Variants in LEPROTL1 observed in about 807,000 individuals in gnomAD.
The protein encoded by LEPROTL1 is leptin receptor overlapping transcript-like 1.
Under a neutral mutation model 15.4 loss-of-function variants are expected in LEPROTL1, and 6 were observed. That is an observed-to-expected ratio of 0.39 (90% CI 0.21 to 0.77). The LOEUF (loss-of-function observed/expected upper bound fraction) is 0.77. Ranked by LOEUF, LEPROTL1 falls within the 30% of genes least tolerant of loss-of-function variation. The probability of loss-of-function intolerance (pLI) is 0.41; values close to 1 mark genes in which losing one functional copy is unlikely to be tolerated. For synonymous variants in LEPROTL1, 56 were observed against 52.6 expected, an observed-to-expected ratio of 1.06 and a Z score of -0.28; for missense variants, 128 against 158.1, an observed-to-expected ratio of 0.81 and a Z score of 1.02.
At chr8:30,134,990 C>T (rs1284088735) in intron 4 of LEPROTL1, among the ~76,000 whole-genome samples, 1 of 152,156 alleles carries the variant, frequency 6.6e-6, no homozygotes, top group East Asian at 1.9e-4. Context: ...AGTGATCCTC[C>T]CACCTCTCCC....
At chr8:30,127,063 A>G (rs1470099399) in intron 3 of LEPROTL1, among the ~76,000 whole-genome samples, 1 of 152,140 alleles carries the variant, frequency 6.6e-6, no homozygotes. Context: ...AAAATACAAA[A>G]TAATATGCTG....
At chr8:30,101,751 A>G (rs183984824) in intron 1 of LEPROTL1, 147 bp from the exon 2 acceptor site, 28 of 511,248 alleles carry the variant, frequency 5.5e-5, no homozygotes, top group Admixed American at 2.8e-4. Context: ...TTCTAAGACT[A>G]GATAACTTAC....
chr8:30,134,523 T>C (rs1176635780), intron 4 of LEPROTL1, among the ~76,000 whole-genome samples: 1 of 152,208 alleles, frequency 6.6e-6, no homozygotes, highest in Non-Finnish European at 1.5e-5. Context: ...AATGCCCAAT[T>C]CCTAAATAAG....
Position 30,104,385 on chromosome 8 carries a change from G to A in LEPROTL1, c.178G>A (p.Asp60Asn). ...CIARRLVDDTDAMSNACKELA... is the reference protein window; with the variant it reads ...CIARRLVDDTNAMSNACKELA... ...AGCAAGAAGATTAGTGGATGATACAGATGCTATGAGTAACGCTTGTAAGGA... is the reference window on the plus strand; with the variant it reads ...AGCAAGAAGATTAGTGGATGATACAAATGCTATGAGTAACGCTTGTAAGGA... Residue 60 changes from aspartate (D) to asparagine (N), a missense_variant, in exon 3 of 4, where the codon GAT becomes AAT. By Grantham distance (23) the Asp-to-Asn change is conservative (BLOSUM62 1). Coordinates refer to ENST00000321250, the MANE Select transcript of LEPROTL1 (RefSeq NM_015344.3). 1 of 1,612,254 alleles carries A rather than the reference G, an allele frequency of 6.2e-7. No individual in the cohort carries two copies. Among genetic ancestry groups the A allele is most frequent in the East Asian group, 2.2e-5 (1 of 44,834 alleles).
chr8:30,102,188 A>G (rs1019638491), intron 2 of LEPROTL1, among the ~76,000 whole-genome samples: 3 of 152,156 alleles, frequency 2.0e-5, no homozygotes, highest in Admixed American at 6.5e-5. Context: ...CTGCTCTTTC[A>G]CTACTGCTGA....
chr8:30,096,842 A>C (rs1802374835), intron 1 of LEPROTL1, among the ~76,000 whole-genome samples: 1 of 152,154 alleles, frequency 6.6e-6, no homozygotes, highest in Admixed American at 6.5e-5. Flanking sequence ...GGTTGTTATG[A>C]GTCAGTATGT....
At chr8:30,102,196 T>C (rs903349036) in intron 2 of LEPROTL1, among the ~76,000 whole-genome samples, 1 of 152,226 alleles carries the variant, frequency 6.6e-6, no homozygotes, top group African/African-American at 2.4e-5. Flanking sequence ...TCACTACTGC[T>C]GAGTCTGCAG....
At chr8:30,104,222 A>AT (rs1563213870) in intron 2 of LEPROTL1, 78 bp from the exon 3 acceptor site, 2 of 876,204 alleles carry the variant, frequency 2.3e-6, no homozygotes. Flanking sequence ...TTGAATCTTG[A>AT]TTTTTTAAAA....
intron 4 of LEPROTL1, among the ~76,000 whole-genome samples, chr8:30,134,084 T>C (rs1437528212): frequency 6.6e-6 from 1 of 152,192 alleles, no homozygotes; most frequent in East Asian, 1.9e-4. Context: ...TCAAAGATAA[T>C]GATTTCAAAA....
chr8:30,095,656 C>T, intron 1 of LEPROTL1, 128 bp downstream of exon 1: 3 of 780,626 alleles, frequency 3.8e-6, no homozygotes, highest in Non-Finnish European at 3.7e-6. Flanking sequence ...GCCGGGGAAG[C>T]GACCCCCGCC....
At chr8:30,104,245 G>C in intron 2 of LEPROTL1, 55 bp from the exon 3 acceptor site, 1 of 1,061,976 alleles carries the variant, frequency 9.4e-7, no homozygotes, top group South Asian at 2.1e-5. Context: ...ACCATATTTT[G>C]TGTGTAGGAA....
intron 4 of LEPROTL1, among the ~76,000 whole-genome samples, chr8:30,134,220 C>T (rs560143910): frequency 3.3e-5 from 5 of 152,136 alleles, no homozygotes; most frequent in African/African-American, 4.8e-5. Context: ...GTCAAGAGAT[C>T]GAGACCATCC....
At chr8:30,095,615 C>G in intron 1 of LEPROTL1, 87 bp downstream of exon 1, 1 of 1,143,800 alleles carries the variant, frequency 8.7e-7, no homozygotes, top group South Asian at 2.4e-5. Context: ...CACTTCCCCT[C>G]CGGGCTCGCG....
At chr8:30,101,702 G>A (rs746956428) in intron 1 of LEPROTL1, among the ~76,000 whole-genome samples, 196 bp from the exon 2 acceptor site, 1 of 142,950 alleles carries the variant, frequency 7.0e-6, no homozygotes, top group African/African-American at 2.6e-5. Flanking sequence ...AAAGGCCAGT[G>A]TCACTTCATT....
At chr8:30,118,072 TGCAGA>T (rs1451011912) in intron 3 of LEPROTL1, among the ~76,000 whole-genome samples, 1 of 136,778 alleles carries the variant, frequency 7.3e-6, no homozygotes, top group Non-Finnish European at 1.5e-5. Context: ...TCTTCCAGGC[TGCAGA>T]GCAGTGGCAG....
In LEPROTL1 at chr8:30,107,680, A is replaced by G; in HGVS notation, c.*1818A>G. The stretch of plus-strand genomic sequence containing the variant: ...ATTATAATGTTCAGATTTCAAGAGG[A>G]AGGTGCAGGTACACATGAGTTAGAG... On this transcript the variant is annotated 3_prime_UTR_variant, in exon 4 of 4. Transcript: ENST00000321250. The G allele has an allele frequency of 1.0e-6, 1 of 985,526 alleles. No homozygotes were observed. Among genetic ancestry groups the G allele is most frequent in the Non-Finnish European group, 1.2e-6 (1 of 829,930 alleles). The allele number at this position is 985,526 out of a possible 1,614,324, so 61.0% of individuals were successfully genotyped here. A position where few individuals can be genotyped will look rare whatever the true frequency, so the allele number is the denominator to read the frequency against.
chr8:30,119,771 T>A (rs548511760), intron 3 of LEPROTL1, among the ~76,000 whole-genome samples: 2 of 152,316 alleles, frequency 1.3e-5, no homozygotes, highest in South Asian at 4.1e-4. Context: ...GTGATTTTTT[T>A]ATAAAAATGC....
At chr8:30,118,293 G>T (rs567718952) in intron 3 of LEPROTL1, among the ~76,000 whole-genome samples, 1 of 152,246 alleles carries the variant, frequency 6.6e-6, no homozygotes, top group South Asian at 2.1e-4. Flanking sequence ...GGGATTACAG[G>T]TGTGAGCCAC....
Position 30,104,476 on chromosome 8 carries a change from G to A in LEPROTL1, c.269G>A (p.Arg90Lys). Residue 90 changes from arginine (R) to lysine (K), a missense_variant, in exon 3 of 4, where the codon AGA becomes AAA. Coordinates refer to ENST00000321250, the MANE Select transcript of LEPROTL1 (RefSeq NM_015344.3). ...TTTGGACTCCCTATTGTATTTGCCA[G>A]AGCACATCTGGTAAGTGAATATATT... ...SAFGLPIVFA[R>K]AHLIEWGACA... 1 of 1,597,070 alleles carries A rather than the reference G, an allele frequency of 6.3e-7. No individual in the cohort carries two copies.
Sources: gnomAD v4.1 joint callset for allele counts (sites outside exome capture counted in the v4.1 genomes callset) on GRCh38, gnomAD v4.1.1 for gene constraint, MANE v1.5 for transcripts, NCBI Gene and HGNC (gene_info 2026-07-23, HGNC 2026-07-21) for gene names.